The following BLK variants were observed in gnomAD, a reference collection of about 807,000 sequenced individuals.
BLK encodes tyrosine-protein kinase Blk.
In BLK, 64 loss-of-function variants were observed where a neutral mutation model predicts 61.8. The observed-to-expected ratio is 1.03, with a 90% CI of 0.85 to 1.27. The LOEUF is 1.27. BLK is among the 50% of genes most tolerant of loss of function. The probability of loss-of-function intolerance (pLI) is 0.00; values close to 1 mark genes in which losing one functional copy is unlikely to be tolerated. For missense variants in BLK, 853 were observed against 660.5 expected (o/e 1.29, Z -3.19); for synonymous variants, 351 against 272.0 (o/e 1.29, Z -2.86).
At position 11,563,005 on chromosome 8, in the gene BLK, G is replaced by A; in HGVS notation, c.1207G>A (p.Ala403Thr). 1 of 1,614,158 alleles carries A rather than the reference G, an allele frequency of 6.2e-7. No homozygotes were observed. The highest frequency in any genetic ancestry group is 1.1e-5 in the South Asian group (1 of 91,088). ...GGCCAAGTTCCCCATCAAGTGGACA[G>A]CCCCGGAAGCCATCCACTTCGGGGT... ...EGAKFPIKWTAPEAIHFGVFT... is the reference protein window; with the variant it reads ...EGAKFPIKWTTPEAIHFGVFT... The change falls in exon 12 of 13, where the codon GCC (alanine) becomes ACC (threonine). Residue 403 changes from alanine (A) to threonine (T), a missense_variant. Transcript: ENST00000259089.
At chr8:11,497,495 T>C (rs1798403160) in intron 1 of BLK, among the ~76,000 whole-genome samples, 1 of 152,106 alleles carries the variant, frequency 6.6e-6, no homozygotes, top group Admixed American at 6.5e-5. Flanking sequence ...CACCCAGGGC[T>C]CTGGTTTGCA....
At position 11,533,500 on chromosome 8, in the gene BLK, C is replaced by T. The variant is rs867563952; in HGVS notation, c.-1-9724C>T. On this transcript the variant is annotated intron_variant, in intron 1 of 12. Coordinates refer to ENST00000259089, the MANE Select transcript of BLK (RefSeq NM_001715.3). ...TGTATCTGGGTAAGATACGTGTGAA[C>T]CTCCGTGGGAAAGACCAAGGGTTTG... Among the ~76,000 whole-genome samples, 4 of 152,030 alleles carry T rather than the reference C, an allele frequency of 2.6e-5. No homozygotes were observed. In the South Asian group the frequency reaches 8.3e-4, roughly 32 times the overall value.
chr8:11,506,851 G>A (rs567185491), intron 1 of BLK, among the ~76,000 whole-genome samples: 78 of 152,302 alleles, frequency 5.1e-4, no homozygotes, highest in African/African-American at 1.8e-3. Context: ...TCTCAGGGAG[G>A]CCACTTGAGA....
intron 4 of BLK, 58 bp downstream of exon 4, chr8:11,548,183 C>G (rs1800735099): frequency 7.1e-7 from 1 of 1,404,418 alleles, no homozygotes; most frequent in Non-Finnish European, 1.0e-6. Flanking sequence ...CCACATCTCT[C>G]CTTTCTCCAC....
chr8:11,559,021 C>T, intron 10 of BLK: 1 of 456,282 alleles, frequency 2.2e-6, no homozygotes, highest in South Asian at 1.5e-5. Flanking sequence ...TAACCGGCTT[C>T]AAACCCCAGG....
At chr8:11,504,363 G>A (rs1798680963) in intron 1 of BLK, among the ~76,000 whole-genome samples, 1 of 102,540 alleles carries the variant, frequency 9.8e-6, no homozygotes, top group Non-Finnish European at 1.8e-5. Context: ...AAGGAAGGAA[G>A]GAAGAAAGAA....
At chr8:11,532,392 G>A (rs1484286837) in intron 1 of BLK, among the ~76,000 whole-genome samples, 1 of 141,048 alleles carries the variant, frequency 7.1e-6, no homozygotes, top group Non-Finnish European at 1.5e-5. Flanking sequence ...TGTATTTTTA[G>A]CAGAGACAGG....
chr8:11,514,862 A>T (rs146217297), intron 1 of BLK, among the ~76,000 whole-genome samples: 76 of 152,298 alleles, frequency 5.0e-4, no homozygotes, highest in African/African-American at 1.7e-3. Flanking sequence ...AAGCTATTAC[A>T]GTCCCAGATC....
At chr8:11,557,311 C>G (rs1247147657) in intron 9 of BLK, among the ~76,000 whole-genome samples, 1 of 152,226 alleles carries the variant, frequency 6.6e-6, no homozygotes, top group Non-Finnish European at 1.5e-5. Flanking sequence ...TCTCATGCCA[C>G]TTTCTCACCC....
intron 1 of BLK, among the ~76,000 whole-genome samples, chr8:11,513,210 A>G (rs746907102): frequency 6.6e-6 from 1 of 152,114 alleles, no homozygotes; most frequent in Non-Finnish European, 1.5e-5. Flanking sequence ...TCAATGCACC[A>G]CACGCAGTTG....
intron 1 of BLK, among the ~76,000 whole-genome samples, chr8:11,539,002 C>CA (rs1216007130): frequency 6.6e-6 from 1 of 151,842 alleles, no homozygotes; most frequent in Non-Finnish European, 1.5e-5. Flanking sequence ...TCTTATAATC[C>CA]AAAATCCATT....
intron 1 of BLK, among the ~76,000 whole-genome samples, chr8:11,527,806 C>G (rs543259672): frequency 2.0e-5 from 3 of 151,850 alleles, no homozygotes; most frequent in South Asian, 4.2e-4. Context: ...AAAGACCAAT[C>G]TTAGGTTCTG....
chr8:11,554,942 C>T (rs1801128009), intron 7 of BLK, 53 bp downstream of exon 7: 1 of 1,594,324 alleles, frequency 6.3e-7, no homozygotes. Context: ...GCCCCTGGAT[C>T]TCTCGCTAAG....
At chr8:11,539,507 CAT>C (rs1200341168) in intron 1 of BLK, among the ~76,000 whole-genome samples, 2 of 152,124 alleles carry the variant, frequency 1.3e-5, no homozygotes, top group African/African-American at 4.8e-5. Flanking sequence ...TCATCTCTCA[CAT>C]GTGTCTATAT....
rs1354771207 is a variant in BLK, at chr8:11,548,018, C to T, written c.176-14C>T. On this transcript the variant is annotated splice_polypyrimidine_tract_variant and intron_variant, in intron 3 of 12. Transcript: ENST00000259089. The stretch of plus-strand genomic sequence containing the variant: ...GGGCCTGAGTGGTGGTCATCTCTCC[C>T]TTGTTCATTTTAGACAAGCATTTCG... 6.2e-7 allele frequency: 1 copy of T among 1,612,600 alleles called. No homozygotes were observed. The highest frequency in any genetic ancestry group is 8.5e-7 in the Non-Finnish European group (1 of 1,178,660).
chr8:11,561,674 G>A (rs1801512356), intron 11 of BLK, among the ~76,000 whole-genome samples: 1 of 152,152 alleles, frequency 6.6e-6, no homozygotes, highest in South Asian at 2.1e-4. Flanking sequence ...GGATAAGGTA[G>A]GTTTGGAGAA....
intron 1 of BLK, among the ~76,000 whole-genome samples, chr8:11,501,766 C>A (rs1344603364): frequency 3.9e-5 from 6 of 152,228 alleles, no homozygotes; most frequent in African/African-American, 1.4e-4. Flanking sequence ...GGCACAAACA[C>A]TGAAATGTTC....
At chr8:11,531,921 C>A (rs1053351595) in intron 1 of BLK, among the ~76,000 whole-genome samples, 1 of 150,506 alleles carries the variant, frequency 6.6e-6, no homozygotes, top group Non-Finnish European at 1.5e-5. Flanking sequence ...TGCAGTGGCA[C>A]CATCTCGGCT....
At chr8:11,546,299 C>G (rs1409809210) in intron 3 of BLK, among the ~76,000 whole-genome samples, 196 bp downstream of exon 3, 1 of 152,198 alleles carries the variant, frequency 6.6e-6, no homozygotes, top group Non-Finnish European at 1.5e-5. Flanking sequence ...TTCAGTATGC[C>G]TGAGCCTGGG....
Sources: allele counts gnomAD v4.1 joint callset (sites outside exome capture counted in the v4.1 genomes callset), GRCh38; gene constraint gnomAD v4.1.1; transcripts MANE v1.5; gene names NCBI Gene and HGNC (gene_info 2026-07-23, HGNC 2026-07-21).